MSRA: variants seen among roughly 807,000 people sequenced by gnomAD.
MSRA encodes methionine sulfoxide reductase A.
MSRA carries 54 observed loss-of-function variants against 31.3 expected under a neutral mutation model. The observed-to-expected ratio is 1.73, with a 90% CI of 1.39 to 2.17. MSRA has a LOEUF of 2.17. MSRA is among the 30% of genes most tolerant of loss of function. The pLI is 0.00. For synonymous variants in MSRA, 169 were observed against 116.5 expected (o/e 1.45, Z -2.90); for missense variants, 507 against 300.9 (o/e 1.69, Z -5.07).
At chr8:10,062,720 G>A (rs1797268514) in intron 1 of MSRA, among the ~76,000 whole-genome samples, 1 of 152,172 alleles carries the variant, frequency 6.6e-6, no homozygotes, top group South Asian at 2.1e-4. Flanking sequence ...GCCTACATTT[G>A]TGGTTATGTT....
chr8:10,192,939 T>TG (rs1807641802), intron 1 of MSRA, among the ~76,000 whole-genome samples: 2 of 152,348 alleles, frequency 1.3e-5, no homozygotes, highest in South Asian at 4.1e-4. Flanking sequence ...ATTTTTAAAT[T>TG]GGGGGTTTGC....
chr8:10,295,492 A>G (rs772514320), intron 3 of MSRA, among the ~76,000 whole-genome samples: 4 of 152,166 alleles, frequency 2.6e-5, no homozygotes, highest in Non-Finnish European at 5.9e-5. Context: ...TGGTCCTTCT[A>G]GATGAGCCCC....
At chr8:10,236,302 G>C (rs1020684362) in intron 2 of MSRA, among the ~76,000 whole-genome samples, 14 of 152,204 alleles carry the variant, frequency 9.2e-5, no homozygotes, top group Admixed American at 3.9e-4. Context: ...GAATGGGAGA[G>C]GGAGACAGAA....
chr8:10,110,137 C>T (rs1800176249), intron 1 of MSRA, among the ~76,000 whole-genome samples: 1 of 152,166 alleles, frequency 6.6e-6, no homozygotes. Flanking sequence ...CAGACTTCCA[C>T]AAGGCCCACA....
chr8:10,132,165 A>T (rs1290222765), intron 1 of MSRA, among the ~76,000 whole-genome samples: 2 of 152,162 alleles, frequency 1.3e-5, no homozygotes, highest in Non-Finnish European at 2.9e-5. Context: ...CAATGAGGTG[A>T]TATTGGTCCT....
intron 2 of MSRA, among the ~76,000 whole-genome samples, chr8:10,211,456 G>T (rs1396071972): frequency 2.0e-5 from 3 of 152,092 alleles, no homozygotes; most frequent in Admixed American, 6.5e-5. Context: ...GGTCCTCCTT[G>T]GGGGCTTCTC....
Position 10,190,809 on chromosome 8 carries a change from A to G in MSRA, c.143-17024A>G, listed in dbSNP as rs747684708. ...TTCAAGAAGGGTAGGAGACATTGCT[A>G]TGTGTTCAACTGGTATTTTTTCCTC... On this transcript the variant is annotated intron_variant, in intron 1 of 5. Coordinates refer to ENST00000317173, the MANE Select transcript of MSRA (RefSeq NM_012331.5). Among the ~76,000 whole-genome samples the G allele has an allele frequency of 7.2e-5, 11 of 152,208 alleles. 1 individual carries two copies. The Middle Eastern group carries it at 0.014, about 188-fold the overall frequency.
In MSRA at chr8:10,224,117, T is replaced by C. The variant is rs1016263745; in HGVS notation, c.211+16216T>C. Among the ~76,000 whole-genome samples the C allele has an allele frequency of 5.9e-5, 9 of 152,272 alleles. No individual in the cohort carries two copies. The East Asian group carries it at 1.2e-3, about 20-fold the overall frequency. ...TGTAGAATATGTACGTTTTATAGGG[T>C]GGTGATGCGCACATCATAGCTAGGC... On this transcript the variant is annotated intron_variant, in intron 2 of 5. Coordinates refer to ENST00000317173, the MANE Select transcript of MSRA (RefSeq NM_012331.5).
At position 10,054,349 on chromosome 8, in the gene MSRA, C is replaced by T; in HGVS notation, c.-168C>T. On this transcript the variant is annotated 5_prime_UTR_variant, in exon 1 of 6. Coordinates refer to ENST00000317173, the MANE Select transcript of MSRA (RefSeq NM_012331.5). ...CGGTACGGCCCCGGGTTTGGGCAAC[C>T]TCGATTACGGGCGGCCTCCAGCCCC... 1.7e-6 allele frequency: 1 copy of T among 578,300 alleles called. No homozygotes were observed. The highest frequency in any genetic ancestry group is 2.5e-6 in the Non-Finnish European group (1 of 394,924). The allele number at this position is 578,300 out of a possible 1,614,324, so 35.8% of individuals were successfully genotyped here. A position where few individuals can be genotyped will look rare whatever the true frequency, so the allele number is the denominator to read the frequency against.
chr8:10,229,416 A>G (rs1259773811), intron 2 of MSRA, among the ~76,000 whole-genome samples: 1 of 152,182 alleles, frequency 6.6e-6, no homozygotes, highest in African/African-American at 2.4e-5. Context: ...AGAGGCTGCT[A>G]TGAGGCTGCA....
chr8:10,184,315 C>A (rs1473744892), intron 1 of MSRA, among the ~76,000 whole-genome samples: 1 of 151,986 alleles, frequency 6.6e-6, no homozygotes, highest in African/African-American at 2.4e-5. Context: ...ATAATCCCCA[C>A]TCTTACCCTC....
chr8:10,245,554 AT>A (rs1239259573), intron 3 of MSRA, among the ~76,000 whole-genome samples: 1 of 152,148 alleles, frequency 6.6e-6, no homozygotes, highest in Non-Finnish European at 1.5e-5. Flanking sequence ...CTCACCTGGG[AT>A]TTGCTCATGT....
chr8:10,410,077 T>G (rs1419441360), intron 5 of MSRA, among the ~76,000 whole-genome samples: 1 of 152,180 alleles, frequency 6.6e-6, no homozygotes, highest in Non-Finnish European at 1.5e-5. Context: ...TAAAGATATT[T>G]CTTCGTAGAG....
intron 3 of MSRA, among the ~76,000 whole-genome samples, chr8:10,267,047 T>C (rs1183379401): frequency 6.6e-6 from 1 of 152,244 alleles, no homozygotes; most frequent in Non-Finnish European, 1.5e-5. Flanking sequence ...CGAACGAACA[T>C]GGATGGAGCA....
At chr8:10,136,483 A>C (rs1402380576) in intron 1 of MSRA, among the ~76,000 whole-genome samples, 1 of 152,236 alleles carries the variant, frequency 6.6e-6, no homozygotes, top group Non-Finnish European at 1.5e-5. Flanking sequence ...CAAGATTAAA[A>C]AGTGCAGATA....
chr8:10,079,985 C>T (rs951953634), intron 1 of MSRA, among the ~76,000 whole-genome samples: 4 of 152,278 alleles, frequency 2.6e-5, no homozygotes, highest in African/African-American at 9.6e-5. Flanking sequence ...TCTTGTGTTA[C>T]GCTTAGCACT....
intron 2 of MSRA, among the ~76,000 whole-genome samples, chr8:10,224,622 A>C (rs1293582060): frequency 6.6e-6 from 1 of 152,188 alleles, no homozygotes; most frequent in East Asian, 1.9e-4. Context: ...TCCAGTGGAC[A>C]GAGCTGAGAG....
intron 1 of MSRA, chr8:10,095,681 G>C: frequency 2.0e-6 from 2 of 1,017,064 alleles, no homozygotes; most frequent in Non-Finnish European, 2.3e-6. Context: ...CTTCAGGAAA[G>C]AAAACCGTCC....
At chr8:10,094,304 T>C (rs930647991) in intron 1 of MSRA, among the ~76,000 whole-genome samples, 1 of 152,254 alleles carries the variant, frequency 6.6e-6, no homozygotes, top group Non-Finnish European at 1.5e-5. Flanking sequence ...ACTTATTTAC[T>C]TAATAGATTT....
Sources: gnomAD v4.1 joint callset for allele counts (sites outside exome capture counted in the v4.1 genomes callset) on GRCh38, gnomAD v4.1.1 for gene constraint, MANE v1.5 for transcripts, NCBI Gene and HGNC (gene_info 2026-07-23, HGNC 2026-07-21) for gene names.